Variants in MAD1L1 observed in about 807,000 individuals in gnomAD.
MAD1L1 encodes mitotic arrest deficient 1 like 1.
In MAD1L1, 95 loss-of-function variants were observed where a neutral mutation model predicts 96.9. The ratio of observed to expected loss-of-function variants is 0.98; its 90% CI spans 0.83 to 1.16. MAD1L1 has a LOEUF of 1.16. Among genes scored for constraint, MAD1L1 ranks in the 50% most tolerant of loss-of-function variants. MAD1L1 has a pLI of 0.00. For missense variants in MAD1L1, 1,007 were observed against 954.4 expected (o/e 1.06, Z -0.73); for synonymous variants, 473 against 396.6 (o/e 1.19, Z -2.29).
chr7:2,213,475 T>C (rs1240437195), intron 9 of MAD1L1, among the ~76,000 whole-genome samples: 1 of 152,194 alleles, frequency 6.6e-6, no homozygotes, highest in African/African-American at 2.4e-5. Flanking sequence ...CACTGGCGCT[T>C]CCTGCCTCAC....
At chr7:1,904,293 T>A (rs1209959782) in intron 17 of MAD1L1, among the ~76,000 whole-genome samples, 2 of 139,424 alleles carry the variant, frequency 1.4e-5, no homozygotes, top group Non-Finnish European at 3.0e-5. Flanking sequence ...CAGTGGCCTA[T>A]GGAAGACGCT....
chr7:1,889,243 C>T (rs546969355), intron 18 of MAD1L1, among the ~76,000 whole-genome samples: 18 of 152,206 alleles, frequency 1.2e-4, no homozygotes, highest in Non-Finnish European at 2.4e-4. Flanking sequence ...TCCAGTCCCT[C>T]CCACCACCCG....
At chr7:1,851,588 C>A (rs922610462) in intron 18 of MAD1L1, among the ~76,000 whole-genome samples, 1 of 152,136 alleles carries the variant, frequency 6.6e-6, no homozygotes, top group South Asian at 2.1e-4. Flanking sequence ...TGGAAAGTCA[C>A]CAATCACCAA....
chr7:2,014,939 T>C (rs936450888), intron 12 of MAD1L1, among the ~76,000 whole-genome samples: 9 of 152,204 alleles, frequency 5.9e-5, no homozygotes, highest in African/African-American at 1.7e-4. Context: ...AGTATGGCTA[T>C]GGGGTCGGCT....
intron 18 of MAD1L1, among the ~76,000 whole-genome samples, chr7:1,860,886 C>T (rs935955080): frequency 2.0e-5 from 3 of 152,194 alleles, no homozygotes; most frequent in African/African-American, 4.8e-5. Context: ...CTGGGCTCTC[C>T]GGCAGCTCCA....
rs572736574 is a variant in MAD1L1, at chr7:2,074,182, C to G, written c.1074-4844G>C. Among the ~76,000 whole-genome samples the G allele has an allele frequency of 5.3e-5, 8 of 152,278 alleles. No homozygotes were observed. In the South Asian group the frequency reaches 1.7e-3, roughly 32 times the overall value. ...GCAGAGATGGCAGCACGGAACACCGCAGCCAGCCTGGGCTCGCTGGGCCTC... is the reference window on the plus strand; with the variant it reads ...GCAGAGATGGCAGCACGGAACACCGGAGCCAGCCTGGGCTCGCTGGGCCTC... On this transcript the variant is annotated intron_variant, in intron 11 of 18. Transcript: ENST00000265854.
intron 16 of MAD1L1, among the ~76,000 whole-genome samples, chr7:1,956,146 A>G (rs560568905): frequency 6.6e-6 from 1 of 152,186 alleles, no homozygotes; most frequent in African/African-American, 2.4e-5. Flanking sequence ...ATTTCCTTCA[A>G]TGGCACAGCC....
intron 16 of MAD1L1, among the ~76,000 whole-genome samples, chr7:1,945,479 C>T (rs146333881): frequency 3.8e-4 from 58 of 152,344 alleles, no homozygotes; most frequent in African/African-American, 1.3e-3. Flanking sequence ...GCTTGGAACC[C>T]TTCTCCAAGT....
rs572277841 is a variant in MAD1L1, at chr7:1,949,386, C to T, written c.1596+8243G>A. 2.6e-5 allele frequency among the ~76,000 whole-genome samples: 4 copies of T among 152,352 alleles called. No homozygotes were observed. In the South Asian group the frequency reaches 6.2e-4, roughly 24 times the overall value. On this transcript the variant is annotated intron_variant, in intron 16 of 18. Coordinates refer to ENST00000265854, the MANE Select transcript of MAD1L1 (RefSeq NM_001013836.2). ...CAAAGACGTGGATCTCCTCCCTCTG[C>T]CACATGCGCCCGGCTCTGAGTCCCT...
chr7:2,012,235 G>A (rs1367202850), intron 13 of MAD1L1, among the ~76,000 whole-genome samples: 3 of 152,318 alleles, frequency 2.0e-5, no homozygotes, highest in East Asian at 1.9e-4. Flanking sequence ...AGCCCTGATC[G>A]CCTTAACACA....
chr7:2,075,537 C>A (rs1048484135), intron 11 of MAD1L1, among the ~76,000 whole-genome samples: 18 of 152,162 alleles, frequency 1.2e-4, no homozygotes, highest in African/African-American at 1.7e-4. Context: ...CCGTGAGCCT[C>A]TGGGAGTTCA....
chr7:2,210,088 T>G (rs900129400), intron 10 of MAD1L1: 1 of 152,008 alleles, frequency 6.6e-6, no homozygotes, highest in African/African-American at 2.4e-5. Flanking sequence ...GAAATCCACT[T>G]TGGTTTTTGT....
At chr7:1,948,413 C>T (rs1328547305) in intron 16 of MAD1L1, among the ~76,000 whole-genome samples, 1 of 152,092 alleles carries the variant, frequency 6.6e-6, no homozygotes, top group African/African-American at 2.4e-5. Flanking sequence ...GAGGGAGGGG[C>T]CGCAGCTTTC....
chr7:2,033,871 G>A (rs752907685), intron 12 of MAD1L1, among the ~76,000 whole-genome samples: 4 of 152,224 alleles, frequency 2.6e-5, no homozygotes, highest in East Asian at 1.9e-4. Context: ...GTGAGAGGCC[G>A]AGGCAGGAGA....
rs1308371833 is a variant in MAD1L1, at chr7:2,217,821, C to A, written c.678+141G>T. On this transcript the variant is annotated intron_variant, in intron 7 of 18. Coordinates refer to ENST00000265854, the MANE Select transcript of MAD1L1 (RefSeq NM_001013836.2). ...TCACCATGGCATCCCTGGTGCCCAG[C>A]ACAGTGCCCAACACACAGGGCAGCA... 5.7e-5 allele frequency: 41 copies of A among 713,148 alleles called. No individual in the cohort carries two copies. In the South Asian group the frequency reaches 6.2e-4, roughly 11 times the overall value. 44.2% of individuals were successfully genotyped at this position (713,148 alleles called of 1,614,324 possible). A position where few individuals can be genotyped will look rare whatever the true frequency, so the allele number is the denominator to read the frequency against.
intron 16 of MAD1L1, among the ~76,000 whole-genome samples, chr7:1,955,347 G>T (rs1191183876): frequency 1.3e-5 from 2 of 152,342 alleles, no homozygotes; most frequent in East Asian, 1.9e-4. Context: ...CTGGAGTGCA[G>T]TGGCGTGATC....
intron 18 of MAD1L1, among the ~76,000 whole-genome samples, chr7:1,820,372 C>T (rs529685445): frequency 2.3e-4 from 35 of 152,038 alleles, no homozygotes; most frequent in East Asian, 9.6e-4. Context: ...CTTCAAGAAA[C>T]GAAGGGAAAA....
chr7:2,219,958 GTC>G (rs968657390), intron 5 of MAD1L1, among the ~76,000 whole-genome samples: 2 of 152,188 alleles, frequency 1.3e-5, no homozygotes, highest in African/African-American at 4.8e-5. Context: ...GCACCTGGCA[GTC>G]TCTGTGCCAG....
intron 17 of MAD1L1, among the ~76,000 whole-genome samples, chr7:1,905,060 C>T (rs1369396934): frequency 1.2e-5 from 1 of 86,270 alleles, no homozygotes. Flanking sequence ...CTATGGAAGA[C>T]GTTCTTGTGG....
Sources: gnomAD v4.1 joint callset for allele counts (sites outside exome capture counted in the v4.1 genomes callset) on GRCh38, gnomAD v4.1.1 for gene constraint, MANE v1.5 for transcripts, NCBI Gene and HGNC (gene_info 2026-07-23, HGNC 2026-07-21) for gene names.